NTRK2: variants seen among roughly 807,000 people sequenced by gnomAD.
NTRK2 encodes the protein BDNF/NT-3 growth factors receptor.
In NTRK2, 13 loss-of-function variants were observed where a neutral mutation model predicts 94.5. That is an observed-to-expected ratio of 0.14 (90% CI 0.09 to 0.22). The LOEUF is 0.22. NTRK2 is among the 10% of genes least tolerant of loss of function. NTRK2 has a pLI of 1.00. For missense variants in NTRK2, 639 were observed against 1,071.2 expected (o/e 0.60, Z 5.63); for synonymous variants, 372 against 407.4 (o/e 0.91, Z 1.05).
At chr9:84,889,407 T>C (rs1002050631) in intron 14 of NTRK2, among the ~76,000 whole-genome samples, 1 of 152,254 alleles carries the variant, frequency 6.6e-6, no homozygotes, top group African/African-American at 2.4e-5. Context: ...TTGTATTTTA[T>C]TTTTTATTTA....
intron 12 of NTRK2, among the ~76,000 whole-genome samples, chr9:84,808,977 G>T (rs1435229004): frequency 6.6e-6 from 1 of 152,160 alleles, no homozygotes; most frequent in Non-Finnish European, 1.5e-5. Context: ...ACTTGAAAAT[G>T]TCTCGGAGAT....
intron 17 of NTRK2, among the ~76,000 whole-genome samples, chr9:84,962,601 C>T (rs1472495920): frequency 6.6e-6 from 1 of 152,152 alleles, no homozygotes; most frequent in African/African-American, 2.4e-5. Context: ...CTGGGAATGA[C>T]AGTAGGGAAA....
At chr9:84,704,220 G>A (rs1326828177) in intron 4 of NTRK2, among the ~76,000 whole-genome samples, 2 of 134,780 alleles carry the variant, frequency 1.5e-5, no homozygotes, top group African/African-American at 2.7e-5. Context: ...GATTTTGGTG[G>A]TATTCTTTTT....
intron 12 of NTRK2, among the ~76,000 whole-genome samples, chr9:84,826,142 C>T (rs1363615368): frequency 3.3e-5 from 5 of 152,194 alleles, no homozygotes; most frequent in Non-Finnish European, 7.3e-5. Context: ...TTACCACAAA[C>T]GTGATGGTTT....
At chr9:84,771,764 T>A (rs1209250554) in intron 12 of NTRK2, among the ~76,000 whole-genome samples, 1 of 152,154 alleles carries the variant, frequency 6.6e-6, no homozygotes, top group African/African-American at 2.4e-5. Context: ...TTTTAGTAAA[T>A]TTGTGTGATC....
chr9:84,713,812 C>T (rs2061550243), intron 6 of NTRK2, among the ~76,000 whole-genome samples: 1 of 151,506 alleles, frequency 6.6e-6, no homozygotes, highest in Non-Finnish European at 1.5e-5. Context: ...ATATTTTTTC[C>T]CCTCTAGAGG....
At chr9:84,774,916 A>AG (rs2066887638) in intron 12 of NTRK2, among the ~76,000 whole-genome samples, 1 of 152,228 alleles carries the variant, frequency 6.6e-6, no homozygotes, top group Non-Finnish European at 1.5e-5. Context: ...GAAGACAAAA[A>AG]GAAAAAAAGA....
At chr9:84,732,523 T>C (rs2062962752) in intron 9 of NTRK2, among the ~76,000 whole-genome samples, 2 of 152,206 alleles carry the variant, frequency 1.3e-5, no homozygotes, top group Non-Finnish European at 2.9e-5. Flanking sequence ...CTGCTTTTGA[T>C]TGAGTGACAA....
At chr9:84,758,195 A>C (rs150970677) in intron 12 of NTRK2, among the ~76,000 whole-genome samples, 1 of 134,374 alleles carries the variant, frequency 7.4e-6, no homozygotes, top group Non-Finnish European at 1.8e-5. Flanking sequence ...TGACTTTTTG[A>C]TAGTGTCTTT....
chr9:84,919,682 T>A (rs1042337571), intron 14 of NTRK2, among the ~76,000 whole-genome samples: 1 of 152,216 alleles, frequency 6.6e-6, no homozygotes, highest in African/African-American at 2.4e-5. Flanking sequence ...TTGTAGTTTG[T>A]CTGTAATATT....
intron 2 of NTRK2, among the ~76,000 whole-genome samples, chr9:84,686,700 A>G (rs2059736714): frequency 6.6e-6 from 1 of 152,266 alleles, no homozygotes; most frequent in Admixed American, 6.5e-5. Flanking sequence ...GCACTTTTGC[A>G]GTAAAAATGC....
At chr9:84,751,918 C>G in intron 11 of NTRK2, 68 bp from the exon 12 acceptor site, 2 of 1,172,672 alleles carry the variant, frequency 1.7e-6, no homozygotes, top group Non-Finnish European at 2.6e-6. Context: ...TCGTCATGAT[C>G]ATCATCACCA....
At chr9:84,848,178 T>C (rs899115391) in intron 12 of NTRK2, among the ~76,000 whole-genome samples, 1 of 152,096 alleles carries the variant, frequency 6.6e-6, no homozygotes, top group Non-Finnish European at 1.5e-5. Context: ...GGACCTACCC[T>C]TGTGAACTCA....
chr9:84,888,982 A>ATTTT (rs71369159), intron 14 of NTRK2, among the ~76,000 whole-genome samples: 1,547 of 101,672 alleles, frequency 0.015, 440 homozygotes, highest in East Asian at 0.076. Flanking sequence ...AATGACAGAA[A>ATTTT]TTTTTTTTTT....
intron 6 of NTRK2, among the ~76,000 whole-genome samples, chr9:84,717,895 C>G (rs756028202): frequency 6.6e-6 from 1 of 152,064 alleles, no homozygotes; most frequent in Non-Finnish European, 1.5e-5. Context: ...AATGTAAGAT[C>G]AATGGAATTC....
intron 12 of NTRK2, among the ~76,000 whole-genome samples, chr9:84,764,816 A>C (rs895636953): frequency 1.3e-5 from 2 of 152,182 alleles, no homozygotes; most frequent in African/African-American, 2.4e-5. Context: ...ACTTGTGTCC[A>C]TCAGCAGATG....
intron 17 of NTRK2, among the ~76,000 whole-genome samples, chr9:84,957,228 G>T (rs1382781078): frequency 6.6e-6 from 1 of 152,144 alleles, no homozygotes; most frequent in Non-Finnish European, 1.5e-5. Context: ...ATTAGTAAAG[G>T]GTTCAACGTG....
chr9:84,837,056 C>T (rs764932181), intron 12 of NTRK2, among the ~76,000 whole-genome samples: 1 of 151,118 alleles, frequency 6.6e-6, no homozygotes, highest in Non-Finnish European at 1.5e-5. Flanking sequence ...CAATTCCTGG[C>T]ACAGAGTAGG....
chr9:84,714,138 T>A (rs2061570207), intron 6 of NTRK2, among the ~76,000 whole-genome samples: 1 of 152,198 alleles, frequency 6.6e-6, no homozygotes, highest in South Asian at 2.1e-4. Context: ...GCTCATTACT[T>A]AGCTTTTCAG....
Sources: allele counts gnomAD v4.1 joint callset (sites outside exome capture counted in the v4.1 genomes callset), GRCh38; gene constraint gnomAD v4.1.1; transcripts MANE v1.5; gene names NCBI Gene and HGNC (gene_info 2026-07-23, HGNC 2026-07-21).